The following CLIP2 variants were observed in gnomAD, a reference collection of about 807,000 sequenced individuals.
CLIP2 encodes CAP-Gly domain containing linker protein 2, also known as CAP-Gly domain-containing linker protein 2.
CLIP2 carries 41 observed loss-of-function variants against 111.7 expected under a neutral mutation model. The observed-to-expected ratio is 0.37, with a 90% CI of 0.29 to 0.48. The LOEUF is 0.48. CLIP2 is among the 20% of genes least tolerant of loss of function. The probability of loss-of-function intolerance (pLI) is 0.99; values close to 1 mark genes in which losing one functional copy is unlikely to be tolerated. For synonymous variants in CLIP2, 660 were observed against 644.2 expected (o/e 1.02, Z -0.37); for missense variants, 1,160 against 1,422.1 (o/e 0.82, Z 2.96).
chr7:74,358,996 G>A (rs1271778971), intron 6 of CLIP2, among the ~76,000 whole-genome samples: 3 of 151,892 alleles, frequency 2.0e-5, no homozygotes, highest in Non-Finnish European at 2.9e-5. Context: ...ACAGAGTCTC[G>A]CTCTGTCACC....
rs1554317652 is a variant in CLIP2 at position 74,401,528 on chromosome 7, A to C, written c.3090A>C (p.Ala1030=). The change falls in exon 16 of 17, where the codon GCA becomes GCC. Residue 1030 remains alanine, a synonymous_variant. Coordinates refer to ENST00000223398, the MANE Select transcript of CLIP2 (RefSeq NM_003388.5). ...AGACCATCGGCAATTCCGGTTCTGC[A>C]AACGGCATCCACCAGCAGGACAAAG... ...KAQTIGNSGS[A]NGIHQQDKAQ... The C allele has an allele frequency of 6.2e-7, 1 of 1,614,008 alleles. No homozygotes were observed. The highest frequency in any genetic ancestry group is 8.5e-7 in the Non-Finnish European group (1 of 1,180,016).
intron 3 of CLIP2, among the ~76,000 whole-genome samples, chr7:74,348,651 A>G (rs1217495043): frequency 6.6e-6 from 1 of 151,790 alleles, no homozygotes; most frequent in Admixed American, 6.6e-5. Context: ...TTAGCCAGGC[A>G]TGGTGGCGGG....
At chr7:74,299,280 G>A (rs1341785261) in intron 1 of CLIP2, among the ~76,000 whole-genome samples, 12 of 152,062 alleles carry the variant, frequency 7.9e-5, no homozygotes, top group East Asian at 1.9e-4. Flanking sequence ...AGCTGTGATT[G>A]TGCCACTGCA....
chr7:74,346,782 C>T (rs1789811181), intron 3 of CLIP2, among the ~76,000 whole-genome samples: 1 of 148,472 alleles, frequency 6.7e-6, no homozygotes, highest in African/African-American at 2.5e-5. Context: ...ACTTGTAATC[C>T]AAGCACTTTG....
At chr7:74,321,721 GC>G (rs1788957811) in intron 2 of CLIP2, among the ~76,000 whole-genome samples, 1 of 151,710 alleles carries the variant, frequency 6.6e-6, no homozygotes, top group Non-Finnish European at 1.5e-5. Flanking sequence ...CCCCGCCTTG[GC>G]CCCCCAAAGT....
rs372950859 is a variant in CLIP2, at chr7:74,345,704, G to A, written c.678+6700G>A. Among the ~76,000 whole-genome samples the A allele has an allele frequency of 5.3e-5, 8 of 151,562 alleles. No homozygotes were observed. The East Asian group carries it at 6.0e-4, about 11-fold the overall frequency. On this transcript the variant is annotated intron_variant, in intron 3 of 16. Coordinates refer to ENST00000223398, the MANE Select transcript of CLIP2 (RefSeq NM_003388.5). ...TCTGCTAAAGGTACAAAAATTAGCC[G>A]GGCATGGTGGCAGGTGCCTATAATT...
At chr7:74,366,574 G>A (rs1043162313) in intron 8 of CLIP2, among the ~76,000 whole-genome samples, 3 of 152,210 alleles carry the variant, frequency 2.0e-5, no homozygotes, top group African/African-American at 7.2e-5. Flanking sequence ...CGCAGTTCTG[G>A]AAGCCAGAAG....
rs145244815 is a variant in CLIP2 at position 74,365,574 on chromosome 7, CG to C, written c.1380+1261del. ...GCTGGCTCTGGATAGGGGTCCACCC[CG>C]GATCCAGCCGGCCCTGGCTGGGAGA... On this transcript the variant is annotated intron_variant, in intron 8 of 16. Transcript: ENST00000223398. Among the ~76,000 whole-genome samples the C allele has an allele frequency of 1.6e-3, 243 of 152,314 alleles. 3 individuals are homozygous for C. The East Asian group carries it at 0.041, about 26-fold the overall frequency.
intron 10 of CLIP2, among the ~76,000 whole-genome samples, chr7:74,379,331 A>C (rs1472783517): frequency 6.8e-6 from 1 of 147,442 alleles, no homozygotes; most frequent in East Asian, 2.0e-4. Flanking sequence ...TCCGTCTGGA[A>C]AAAAAAAAAA....
At chr7:74,352,691 A>C (rs1790040249) in intron 3 of CLIP2, among the ~76,000 whole-genome samples, 1 of 98,400 alleles carries the variant, frequency 1.0e-5, no homozygotes, top group Non-Finnish European at 2.4e-5. Context: ...GAGAATCAAC[A>C]CTGTCTCAAA....
chr7:74,382,152 C>T (rs1218514692), intron 11 of CLIP2, among the ~76,000 whole-genome samples: 1 of 151,934 alleles, frequency 6.6e-6, no homozygotes, highest in African/African-American at 2.4e-5. Context: ...GATGCGATCT[C>T]AGTTCACTGC....
chr7:74,334,905 T>C (rs1401019003), intron 2 of CLIP2, among the ~76,000 whole-genome samples: 2 of 151,676 alleles, frequency 1.3e-5, no homozygotes, highest in Non-Finnish European at 2.9e-5. Flanking sequence ...TGAGAATTGC[T>C]TAAACCTGGG....
rs10600630 is a variant in CLIP2 at position 74,364,993 on chromosome 7, T to TTGTGTGTG, written c.1380+729_1380+736dup. 314 of 264,908 alleles carry TTGTGTGTG rather than the reference T, an allele frequency of 1.2e-3. 4 individuals are homozygous for TTGTGTGTG. The highest frequency in any genetic ancestry group is 1.6e-3 in the Non-Finnish European group (210 of 134,370). The allele number at this position is 264,908 out of a possible 1,614,324, so 16.4% of individuals were successfully genotyped here. A position where few individuals can be genotyped will look rare whatever the true frequency, so the allele number is the denominator to read the frequency against. ...GAGCTATGATTGCGCCTGTTTTTTG[T>TTGTGTGTG]TGTGTGTGTGTGTGTGTGTGTGTGT... On this transcript the variant is annotated intron_variant, in intron 8 of 16. Transcript: ENST00000223398.
chr7:74,315,625 C>T (rs1216034918), intron 1 of CLIP2, among the ~76,000 whole-genome samples: 1 of 151,642 alleles, frequency 6.6e-6, no homozygotes, highest in Non-Finnish European at 1.5e-5. Flanking sequence ...GGCTGGAGTG[C>T]AGTGGTGCGA....
chr7:74,386,748 C>A (rs1791114432), intron 12 of CLIP2, 144 bp downstream of exon 12: 1 of 539,924 alleles, frequency 1.9e-6, no homozygotes, highest in Non-Finnish European at 3.1e-6. Context: ...GCTGGCTGGT[C>A]GCGGTGGCTC....
chr7:74,309,908 A>G (rs1389897718), intron 1 of CLIP2, among the ~76,000 whole-genome samples: 1 of 148,366 alleles, frequency 6.7e-6, no homozygotes, highest in Admixed American at 6.8e-5. Flanking sequence ...ATATAAATAT[A>G]CCACTTTGGG....
At chr7:74,379,835 C>T (rs185647306) in intron 10 of CLIP2, among the ~76,000 whole-genome samples, 231 of 151,384 alleles carry the variant, frequency 1.5e-3, no homozygotes, top group African/African-American at 5.3e-3. Flanking sequence ...CCCAGCTACT[C>T]GCTCGGGAGG....
At chr7:74,331,847 A>G (rs1554731353) in intron 2 of CLIP2, among the ~76,000 whole-genome samples, 2 of 151,892 alleles carry the variant, frequency 1.3e-5, no homozygotes, top group Non-Finnish European at 2.9e-5. Flanking sequence ...TGCTGGGATT[A>G]CAGGTGTGAT....
At chr7:74,366,234 C>T (rs571644671) in intron 8 of CLIP2, among the ~76,000 whole-genome samples, 94 of 152,224 alleles carry the variant, frequency 6.2e-4, no homozygotes, top group South Asian at 8.3e-4. Flanking sequence ...ACTGCCCCAA[C>T]TACACAATGA....
Sources: allele counts gnomAD v4.1 joint callset (sites outside exome capture counted in the v4.1 genomes callset), GRCh38; gene constraint gnomAD v4.1.1; transcripts MANE v1.5; gene names NCBI Gene and HGNC (gene_info 2026-07-23, HGNC 2026-07-21).